Variants in KLF16 observed in about 807,000 individuals in gnomAD.
The protein encoded by KLF16 is KLF transcription factor 16.
A neutral mutation model predicts 6.1 loss-of-function variants in KLF16; 6 were observed. The ratio of observed to expected loss-of-function variants is 0.98; its 90% CI spans 0.54 to 1.93. The LOEUF (loss-of-function observed/expected upper bound fraction) is 1.93, where lower values mean the gene tolerates loss of function less well. Ranked by LOEUF, KLF16 falls within the 30% of genes most tolerant of loss-of-function variation. The probability of loss-of-function intolerance (pLI) is 0.01; values close to 1 mark genes in which losing one functional copy is unlikely to be tolerated. For synonymous variants in KLF16, 211 were observed against 176.5 expected (o/e 1.20, Z -1.55); for missense variants, 355 against 363.8 (o/e 0.98, Z 0.20).
Position 1,854,668 on chromosome 19 carries a change from CGCCCGTGTGCGTCCGGTGGTGGCGG to C in KLF16, c.525_549del (p.His177SerfsTer104). ...CACAGAGGGCAGGAGAAGCGCTTCT[CGCCCGTGTGCGTCCGGTGGTGGCGG>C]GCCAGCTCGTCGGAGCGGGCGAACT... On this transcript the variant is annotated frameshift_variant, in exon 2 of 2. Transcript: ENST00000250916. LOFTEE classifies it low-confidence loss of function (END_TRUNC). The C allele has an allele frequency of 6.2e-7, 1 of 1,600,234 alleles. No homozygotes were observed. The highest frequency in any genetic ancestry group is 8.5e-7 in the Non-Finnish European group (1 of 1,179,540).
upstream of KLF16, among the ~76,000 whole-genome samples, chr19:1,866,439 C>T (rs919561967): frequency 1.8e-4 from 28 of 151,850 alleles, no homozygotes; most frequent in African/African-American, 3.9e-4. Flanking sequence ...GAAGAAACCC[C>T]GTCTCTACTA....
chr19:1,858,908 C>T (rs1209373700), intron 1 of KLF16, among the ~76,000 whole-genome samples: 1 of 152,022 alleles, frequency 6.6e-6, no homozygotes, highest in Admixed American at 6.5e-5. Flanking sequence ...CCCCACCGAT[C>T]TGGGCTGCTT....
chr19:1,864,872 C>CCGGCGGGG (rs1186032032), upstream of KLF16, among the ~76,000 whole-genome samples: 1 of 152,206 alleles, frequency 6.6e-6, no homozygotes, highest in Non-Finnish European at 1.5e-5. Context: ...CTTCCCAGCT[C>CCGGCGGGG]CGGCGGGGCG....
the KLF16 span, among the ~76,000 whole-genome samples, chr19:1,871,482 C>G: frequency 2.0e-5 from 3 of 152,206 alleles, no homozygotes; most frequent in Non-Finnish European, 2.9e-5. Context: ...TCCCCACCCC[C>G]CCGGGGCTGG....
the KLF16 span, chr19:1,875,391 A>G: frequency 6.6e-6 from 1 of 152,252 alleles, no homozygotes; most frequent in Non-Finnish European, 1.5e-5. Context: ...CCCCAAGTAA[A>G]GTAACTGACC....
At chr19:1,859,423 C>G (rs1001324627) in intron 1 of KLF16, among the ~76,000 whole-genome samples, 1 of 152,054 alleles carries the variant, frequency 6.6e-6, no homozygotes, top group Non-Finnish European at 1.5e-5. Flanking sequence ...CCCTCCTCAA[C>G]CCCTCTCTGA....
At chr19:1,874,088 G>A in the KLF16 span, among the ~76,000 whole-genome samples, 2 of 152,202 alleles carry the variant, frequency 1.3e-5, no homozygotes, top group East Asian at 3.8e-4. Context: ...AGTACCACAT[G>A]GATCAGATGA....
the KLF16 span, among the ~76,000 whole-genome samples, chr19:1,873,938 C>G: frequency 1.3e-5 from 2 of 152,232 alleles, no homozygotes; most frequent in African/African-American, 4.8e-5. Flanking sequence ...GTGCTGAGTT[C>G]GCAGCAGCTT....
At chr19:1,868,473 T>A (rs1298782100), upstream of KLF16, among the ~76,000 whole-genome samples, 15 of 41,456 alleles carry the variant, frequency 3.6e-4, no homozygotes, top group African/African-American at 7.4e-4. Context: ...TTTTTTTTTT[T>A]TTTTTTTTTT....
chr19:1,870,968 C>T, the KLF16 span, among the ~76,000 whole-genome samples: 1 of 152,210 alleles, frequency 6.6e-6, no homozygotes, highest in East Asian at 1.9e-4. Context: ...TGCACTCCGG[C>T]CTGGGCCACA....
At chr19:1,873,958 G>A in the KLF16 span, among the ~76,000 whole-genome samples, 2 of 152,250 alleles carry the variant, frequency 1.3e-5, no homozygotes, top group Non-Finnish European at 2.9e-5. Flanking sequence ...TGAGAATGGG[G>A]CTGCCTGAAA....
intron 1 of KLF16, among the ~76,000 whole-genome samples, chr19:1,855,217 A>T (rs1396659999): frequency 1.3e-5 from 2 of 152,160 alleles, no homozygotes; most frequent in South Asian, 4.1e-4. Flanking sequence ...AGGGGCCTCC[A>T]TCTGTGCATG....
chr19:1,863,229 C>G lies in KLF16; in HGVS notation c.269G>C (p.Gly90Ala). The change falls in exon 1 of 2, where the codon GGA (glycine) becomes GCA (alanine). Residue 90 changes from glycine (G) to alanine (A), a missense_variant. Gly to Ala is a moderately conservative substitution (Grantham distance 60). Coordinates refer to ENST00000250916, the MANE Select transcript of KLF16 (RefSeq NM_031918.4). ...AASILADLRG[G>A]PGAAPGGASP... is the part of the protein sequence containing the mutation. ...GGCGCCCCCCGGGGCGGCTCCGGGT[C>G]CGCCGCGCAGGTCGGCCAGGATGCT... 9.1e-7 allele frequency: 1 copy of G among 1,096,998 alleles called. No individual in the cohort carries two copies. The highest frequency in any genetic ancestry group is 1.1e-6 in the Non-Finnish European group (1 of 898,718). The allele number at this position is 1,096,998 out of a possible 1,614,324, so 68.0% of individuals were successfully genotyped here.
chr19:1,870,393 C>A, the KLF16 span, among the ~76,000 whole-genome samples: 1 of 151,748 alleles, frequency 6.6e-6, no homozygotes, highest in Non-Finnish European at 1.5e-5. Flanking sequence ...TCCTAAGGGC[C>A]AGGGATGGTG....
At chr19:1,873,100 G>A in the KLF16 span, among the ~76,000 whole-genome samples, 39 of 152,328 alleles carry the variant, frequency 2.6e-4, 1 homozygote, top group Middle Eastern at 6.8e-3. Flanking sequence ...AAGCAGGGAT[G>A]GTCTCCATCC....
Position 1,854,406 on chromosome 19 carries a change from C to A in KLF16, c.*53G>T. ...CCAGGCTCCCCGTGGGTCCTCACTA[C>A]ACCCCTGGATGGCAGAAGCATCCTG... On this transcript the variant is annotated 3_prime_UTR_variant, in exon 2 of 2. Transcript: ENST00000250916. 7.2e-7 allele frequency: 1 copy of A among 1,381,388 alleles called. No homozygotes were observed. The highest frequency in any genetic ancestry group is 9.3e-7 in the Non-Finnish European group (1 of 1,076,322). The allele number at this position is 1,381,388 out of a possible 1,614,324, so 85.6% of individuals were successfully genotyped here.
chr19:1,867,577 A>G (rs1243507811), upstream of KLF16, among the ~76,000 whole-genome samples: 1 of 152,118 alleles, frequency 6.6e-6, no homozygotes, highest in Non-Finnish European at 1.5e-5. Flanking sequence ...AAAAATAGTG[A>G]TAGATTGTCT....
chr19:1,866,469 C>A (rs1599198490), upstream of KLF16, among the ~76,000 whole-genome samples: 1 of 152,100 alleles, frequency 6.6e-6, no homozygotes, highest in East Asian at 1.9e-4. Context: ...AAAAAATTAG[C>A]CGGGCCTGGT....
the KLF16 span, among the ~76,000 whole-genome samples, chr19:1,871,988 A>G: frequency 6.6e-6 from 1 of 152,084 alleles, no homozygotes; most frequent in Non-Finnish European, 1.5e-5. Context: ...GCAGGACTGC[A>G]GGGCCAGGGC....
Sources: allele counts gnomAD v4.1 joint callset (sites outside exome capture counted in the v4.1 genomes callset), GRCh38; gene constraint gnomAD v4.1.1; transcripts MANE v1.5; gene names NCBI Gene and HGNC (gene_info 2026-07-23, HGNC 2026-07-21).